PPID: variants seen among roughly 807,000 people sequenced by gnomAD.
PPID encodes peptidyl-prolyl cis-trans isomerase D.
In PPID, 47 loss-of-function variants were observed where a neutral mutation model predicts 48.1. The observed-to-expected ratio is 0.98, with a 90% CI of 0.77 to 1.25. The LOEUF (loss-of-function observed/expected upper bound fraction) is 1.25. Ranked by LOEUF, PPID falls within the 50% of genes most tolerant of loss-of-function variation. The pLI, the probability that PPID is intolerant of heterozygous loss-of-function variation, is 0.00. For missense variants in PPID, 429 were observed against 443.5 expected (o/e 0.97, Z 0.29); for synonymous variants, 163 against 148.8 (o/e 1.10, Z -0.69).
Position 158,723,333 on chromosome 4 carries a change from T to TGGCCGCCCG in PPID, c.-54_-46dup, listed in dbSNP as rs777475797. On this transcript the variant is annotated 5_prime_UTR_variant, in exon 1 of 10. Transcript: ENST00000307720. ...TAGTACGGAATATCAGAGTACCTAGTGGCCGCCCGGGCCGCCCAAACTCCA... is the reference window on the plus strand; with the variant it reads ...TAGTACGGAATATCAGAGTACCTAGTGGCCGCCCGGGCCGCCCGGGCCGCCCAAACTCCA... The TGGCCGCCCG allele has an allele frequency of 6.3e-7, 1 of 1,577,588 alleles. No individual in the cohort carries two copies. Among genetic ancestry groups the TGGCCGCCCG allele is most frequent in the South Asian group, 1.1e-5 (1 of 89,794 alleles).
At chr4:158,722,384 T>C (rs768285045) in intron 1 of PPID, among the ~76,000 whole-genome samples, 4 of 152,244 alleles carry the variant, frequency 2.6e-5, no homozygotes, top group Non-Finnish European at 5.9e-5. Context: ...AACTGCCTCA[T>C]GCAACCTCTG....
Position 158,723,349 on chromosome 4 carries a change from C to T in PPID, c.-61G>A, listed in dbSNP as rs2070629. The T allele has an allele frequency of 0.29, 439,417 of 1,517,194 alleles. 65,337 individuals carry two copies. The highest frequency in any genetic ancestry group is 0.32 in the South Asian group (28,295 of 87,884). 94.0% of individuals were successfully genotyped at this position (1,517,194 alleles called of 1,614,324 possible). On this transcript the variant is annotated 5_prime_UTR_variant, in exon 1 of 10. Transcript: ENST00000307720. ...AGTACCTAGTGGCCGCCCGGGCCGC[C>T]CAAACTCCAGAGTCCGTCTCCGCCG... is the stretch of plus-strand genomic sequence containing the variant.
intron 3 of PPID, among the ~76,000 whole-genome samples, chr4:158,718,633 C>G (rs374667729): frequency 7.2e-5 from 11 of 152,148 alleles, no homozygotes; most frequent in African/African-American, 2.4e-4. Flanking sequence ...TGCTCATATT[C>G]CTTATTTCCA....
At chr4:158,720,783 C>T (rs569970229) in intron 2 of PPID, among the ~76,000 whole-genome samples, 5 of 152,184 alleles carry the variant, frequency 3.3e-5, no homozygotes, top group South Asian at 4.1e-4. Flanking sequence ...GGCGTGATCT[C>T]GGCTCACTGC....
chr4:158,721,209 C>T (rs1017097488), intron 2 of PPID, 134 bp downstream of exon 2: 10 of 1,046,518 alleles, frequency 9.6e-6, no homozygotes, highest in African/African-American at 8.1e-5. Context: ...TACGAAACTG[C>T]GTTACTGCCT....
chr4:158,715,620 T>C lies in PPID; in HGVS notation c.587A>G (p.Asp196Gly). 5 of 1,613,048 alleles carry C rather than the reference T, an allele frequency of 3.1e-6. No individual in the cohort carries two copies. Among genetic ancestry groups the C allele is most frequent in the Non-Finnish European group, 4.2e-6 (5 of 1,179,004 alleles). The change falls in exon 5 of 10, where the codon GAT becomes GGT. Residue 196 changes from aspartate to glycine, a missense_variant. Coordinates refer to ENST00000307720, the MANE Select transcript of PPID (RefSeq NM_005038.3). Reference protein sequence around the residue: ...EGDDGGIFPKDGSGDSHPDFP... With the variant: ...EGDDGGIFPKGGSGDSHPDFP... ...ATCTGGATGACTGTCGCCAGAGCCA[T>C]CTTTTGGGAATATTCCCCCGTCATC...
intron 9 of PPID, 142 bp downstream of exon 9, chr4:158,710,486 T>C (rs1774770675): frequency 1.2e-6 from 1 of 823,810 alleles, no homozygotes; most frequent in East Asian, 2.6e-5. Flanking sequence ...TTCATTGCTA[T>C]ATGATAATGC....
intron 3 of PPID, among the ~76,000 whole-genome samples, chr4:158,718,904 T>C (rs1774911958): frequency 6.6e-6 from 1 of 152,226 alleles, no homozygotes; most frequent in African/African-American, 2.4e-5. Context: ...ACATTTTTCC[T>C]GGAAACAATT....
intron 6 of PPID, 110 bp downstream of exon 6, chr4:158,715,187 C>A: frequency 1.1e-6 from 1 of 903,014 alleles, no homozygotes; most frequent in Non-Finnish European, 1.5e-6. Flanking sequence ...TATTTCAACA[C>A]ACCTGGTTAT....
At position 158,723,360 on chromosome 4, in the gene PPID, A is replaced by G. The variant is rs17843880; in HGVS notation, c.-72T>C. 4 of 1,461,030 alleles carry G rather than the reference A, an allele frequency of 2.7e-6. No individual in the cohort carries two copies. Among genetic ancestry groups the G allele is most frequent in the Non-Finnish European group, 3.8e-6 (4 of 1,052,870 alleles). 90.5% of individuals were successfully genotyped at this position (1,461,030 alleles called of 1,614,324 possible). ...GCCGCCCGGGCCGCCCAAACTCCAG[A>G]GTCCGTCTCCGCCGGAGACCGGCAG... On this transcript the variant is annotated 5_prime_UTR_variant, in exon 1 of 10. Coordinates refer to ENST00000307720, the MANE Select transcript of PPID (RefSeq NM_005038.3).
rs1330075622 is a variant in PPID at position 158,723,198 on chromosome 4, G to C, written c.85+6C>G. Reference sequence around the variant, plus strand: ...GGCTTTTCCGCGAGCGTCAGACTCCGCTCACCTCGCTCCCCTCCGATGTCC... The same window carrying C: ...GGCTTTTCCGCGAGCGTCAGACTCCCCTCACCTCGCTCCCCTCCGATGTCC... On this transcript the variant is annotated splice_donor_region_variant and intron_variant, in intron 1 of 9. Transcript: ENST00000307720. The C allele has an allele frequency of 8.7e-6, 14 of 1,612,294 alleles. No homozygotes were observed. In the East Asian group the frequency reaches 2.9e-4, roughly 33 times the overall value.
At chr4:158,722,486 C>T (rs1289734564) in intron 1 of PPID, among the ~76,000 whole-genome samples, 4 of 152,338 alleles carry the variant, frequency 2.6e-5, no homozygotes, top group Middle Eastern at 3.4e-3. Context: ...ACTGAATGTA[C>T]GTGTAAACGT....
rs574939780 is a variant in PPID, at chr4:158,723,371, G to A, written c.-83C>T. ...CGCCCAAACTCCAGAGTCCGTCTCC[G>A]CCGGAGACCGGCAGCGACGCTGACC... On this transcript the variant is annotated 5_prime_UTR_variant, in exon 1 of 10. Coordinates refer to ENST00000307720, the MANE Select transcript of PPID (RefSeq NM_005038.3). 4.4e-5 allele frequency: 61 copies of A among 1,382,896 alleles called. 1 individual carries two copies. The African/African-American group carries it at 7.5e-4, about 17-fold the overall frequency. 85.7% of individuals were successfully genotyped at this position (1,382,896 alleles called of 1,614,324 possible). A position where few individuals can be genotyped will look rare whatever the true frequency, so the allele number is the denominator to read the frequency against.
In PPID at chr4:158,717,094, A is replaced by G; in HGVS notation, c.440T>C (p.Val147Ala). Reference sequence around the variant, plus strand: ...TCCTTTAATTACTTGGCCAAACACCACATGTTTCCCATCCAAATGAGGAGT... The same window carrying G: ...TCCTTTAATTACTTGGCCAAACACCGCATGTTTCCCATCCAAATGAGGAGT... The part of the protein sequence containing the change: ...VPTPHLDGKH[V>A]VFGQVIKGIG... Residue 147 changes from valine to alanine, a missense_variant, in exon 4 of 10, where the codon GTG becomes GCG. Coordinates refer to ENST00000307720, the MANE Select transcript of PPID (RefSeq NM_005038.3). 4 of 1,614,028 alleles carry G rather than the reference A, an allele frequency of 2.5e-6. No individual in the cohort carries two copies. The highest frequency in any genetic ancestry group is 3.4e-6 in the Non-Finnish European group (4 of 1,179,878).
At chr4:158,712,000 T>C (rs1349771830) in intron 7 of PPID, among the ~76,000 whole-genome samples, 2 of 152,136 alleles carry the variant, frequency 1.3e-5, no homozygotes, top group Non-Finnish European at 2.9e-5. Context: ...TTTGATAAGT[T>C]TTTTCCTCTG....
chr4:158,715,297 C>T lies in PPID; in HGVS notation c.752G>A (p.Arg251Lys). Reference sequence around the variant, plus strand: ...AATAATTTGTTAGAAATAATATTACCTTAAAACTTCTGCATATTTTTTAAT... The same window carrying T: ...AATAATTTGTTAGAAATAATATTACTTTAAAACTTCTGCATATTTTTTAAT... ...MAIKKYAEVL[R>K]YVDSSKAVIE... Residue 251 changes from arginine (R) to lysine (K), a missense_variant and splice_region_variant, in exon 6 of 10, where the codon AGA becomes AAA. Transcript: ENST00000307720. The T allele has an allele frequency of 3.4e-6, 5 of 1,461,852 alleles. No homozygotes were observed. The highest frequency in any genetic ancestry group is 5.0e-5 in the East Asian group (2 of 40,252). 90.6% of individuals were successfully genotyped at this position (1,461,852 alleles called of 1,614,324 possible).
At chr4:158,714,960 GTCTT>G (rs552338944) in intron 6 of PPID, among the ~76,000 whole-genome samples, 479 of 152,310 alleles carry the variant, frequency 3.1e-3, no homozygotes, top group Non-Finnish European at 5.5e-3. Context: ...TATGCAGAAT[GTCTT>G]TGTTTCTTAG....
intron 6 of PPID, among the ~76,000 whole-genome samples, chr4:158,713,778 A>AACATCTTGT (rs371230017): frequency 1.3e-5 from 1 of 76,066 alleles, no homozygotes; most frequent in Non-Finnish European, 2.9e-5. Context: ...ATGAGCTTAG[A>AACATCTTGT]GCAAGCAAGT....
At chr4:158,720,058 G>T (rs1774932777) in intron 2 of PPID, among the ~76,000 whole-genome samples, 1 of 152,182 alleles carries the variant, frequency 6.6e-6, no homozygotes, top group South Asian at 2.1e-4. Context: ...GAGCCAATTA[G>T]AGACTCAGCA....
Sources: allele counts gnomAD v4.1 joint callset (sites outside exome capture counted in the v4.1 genomes callset), GRCh38; gene constraint gnomAD v4.1.1; transcripts MANE v1.5; gene names NCBI Gene and HGNC (gene_info 2026-07-23, HGNC 2026-07-21).